Variants in AMBRA1 observed in about 807,000 individuals in gnomAD.
AMBRA1 encodes the protein activating molecule in BECN1-regulated autophagy protein 1.
AMBRA1 carries 47 observed loss-of-function variants against 125.4 expected under a neutral mutation model. The ratio of observed to expected loss-of-function variants is 0.37; its 90% confidence interval spans 0.30 to 0.48. The LOEUF (loss-of-function observed/expected upper bound fraction) is 0.48. AMBRA1 is among the 20% of genes least tolerant of loss of function. The pLI, the probability that AMBRA1 is intolerant of heterozygous loss-of-function variation, is 0.99. For synonymous variants in AMBRA1, 626 were observed against 655.5 expected (o/e 0.95, Z 0.69); for missense variants, 1,331 against 1,693.4 (o/e 0.79, Z 3.76).
intron 7 of AMBRA1, among the ~76,000 whole-genome samples, chr11:46,513,975 G>A (rs1390874356): frequency 6.6e-6 from 1 of 151,452 alleles, no homozygotes; most frequent in Non-Finnish European, 1.5e-5. Context: ...CTGACATGGT[G>A]CTTCCCAACT....
Position 46,508,306 on chromosome 11 carries a change from G to C in AMBRA1, c.2224C>G (p.Arg742Gly). Residue 742 changes from arginine to glycine, a missense_variant, in exon 9 of 18, where the codon CGC becomes GGC. This residue lies in a region of AMBRA1 where 689 missense variants were observed against 776.5 expected (regional missense o/e 0.89). Coordinates refer to ENST00000683756, the MANE Select transcript of AMBRA1 (RefSeq NM_001387011.1). ...TGTTGGTAGCGCATGGAGCGCTGGC[G>C]AATACTGTCTCTCCGTGAGAGATAC... is the stretch of plus-strand genomic sequence containing the variant. ...IQYLSRRDSIRQRSMRYQQNR... is the reference protein window; with the variant it reads ...IQYLSRRDSIGQRSMRYQQNR... 6.2e-7 allele frequency: 1 copy of C among 1,614,188 alleles called. No homozygotes were observed. Among genetic ancestry groups the C allele is most frequent in the Non-Finnish European group, 8.5e-7 (1 of 1,180,012 alleles).
chr11:46,465,575 C>T (rs899603383), intron 11 of AMBRA1, among the ~76,000 whole-genome samples: 3 of 152,084 alleles, frequency 2.0e-5, no homozygotes, highest in Non-Finnish European at 4.4e-5. Context: ...TAAGATATAT[C>T]ACAGAGGAAG....
chr11:46,576,846 T>C (rs1203055386), intron 1 of AMBRA1, among the ~76,000 whole-genome samples: 1 of 152,238 alleles, frequency 6.6e-6, no homozygotes, highest in Non-Finnish European at 1.5e-5. Context: ...AAATTCCTAA[T>C]TCCATCACTG....
chr11:46,434,642 G>T lies in AMBRA1; in HGVS notation c.2821+207C>A, dbSNP rs558830073. 3.9e-5 allele frequency among the ~76,000 whole-genome samples: 6 copies of T among 152,270 alleles called. No individual in the cohort carries two copies. In the South Asian group the frequency reaches 1.2e-3, roughly 32 times the overall value. ...CCTTATTCCTGACCGTCGTAACAGG[G>T]GCATGCGGTAGGACTCTAATGCTCA... On this transcript the variant is annotated intron_variant, in intron 13 of 17. Transcript: ENST00000683756.
intron 1 of AMBRA1, among the ~76,000 whole-genome samples, chr11:46,579,091 G>GT (rs1398657088): frequency 1.4e-4 from 20 of 142,400 alleles, no homozygotes; most frequent in Middle Eastern, 7.2e-3. Context: ...TTAAAAGCCA[G>GT]TAATACCAAA....
At chr11:46,512,908 C>CT in intron 7 of AMBRA1, 95 bp from the exon 8 acceptor site, 1 of 1,108,196 alleles carries the variant, frequency 9.0e-7, no homozygotes, top group Non-Finnish European at 1.3e-6. Context: ...ATAACTTTCC[C>CT]CTTTTGCAGC....
intron 6 of AMBRA1, 28 bp downstream of exon 6, chr11:46,543,947 T>C (rs1952874443): frequency 1.3e-6 from 2 of 1,584,688 alleles, no homozygotes; most frequent in East Asian, 4.5e-5. Flanking sequence ...ACAGTTTAGC[T>C]GGAATTGGAA....
At chr11:46,514,163 C>G (rs1047627945) in intron 7 of AMBRA1, among the ~76,000 whole-genome samples, 1 of 152,220 alleles carries the variant, frequency 6.6e-6, no homozygotes, top group Non-Finnish European at 1.5e-5. Flanking sequence ...ATAAGGACAG[C>G]AGCTACCAAT....
chr11:46,435,321 A>G (rs986388194), intron 12 of AMBRA1, among the ~76,000 whole-genome samples: 1 of 152,228 alleles, frequency 6.6e-6, no homozygotes. Context: ...TTGAGAGATT[A>G]GATAAGGAAA....
At chr11:46,429,088 C>T (rs145221216) in intron 14 of AMBRA1, 2 of 1,609,296 alleles carry the variant, frequency 1.2e-6, no homozygotes, top group East Asian at 4.5e-5. Context: ...TCTTGGCCAC[C>T]ATGACTCCCT....
chr11:46,542,957 G>C lies in AMBRA1; in HGVS notation c.1060C>G (p.Gln354Glu). ...TGGTCCTGCTGCGTTGACGAGGCCTGCTCCGGGGGATGGAAGGGCTCGGTC... is the reference window on the plus strand; with the variant it reads ...TGGTCCTGCTGCGTTGACGAGGCCTCCTCCGGGGGATGGAAGGGCTCGGTC... ...VQTEPFHPPE[Q>E]ASSTQQDQGL... Residue 354 changes from glutamine (Q) to glutamate (E), a missense_variant, in exon 7 of 18, where the codon CAG becomes GAG. Physicochemically the swap from Gln to Glu is conservative, Grantham distance 29. Coordinates refer to ENST00000683756, the MANE Select transcript of AMBRA1 (RefSeq NM_001387011.1). The surrounding 1 kb of genome is among the most constrained non-coding windows in gnomAD (Gnocchi z 5.9). 1 of 1,606,864 alleles carries C rather than the reference G, an allele frequency of 6.2e-7. No individual in the cohort carries two copies. The highest frequency in any genetic ancestry group is 2.2e-5 in the East Asian group (1 of 44,880).
At chr11:46,411,372 C>A (rs2136626556) in intron 15 of AMBRA1, among the ~76,000 whole-genome samples, 5 of 152,228 alleles carry the variant, frequency 3.3e-5, no homozygotes, top group Admixed American at 3.3e-4. Context: ...CAGGCAGGGC[C>A]TGGAAGACGA....
Position 46,397,368 on chromosome 11 carries a change from C to A in AMBRA1, c.*82G>T. 7.1e-7 allele frequency: 1 copy of A among 1,410,554 alleles called. No homozygotes were observed. The allele number at this position is 1,410,554 out of a possible 1,614,324, so 87.4% of individuals were successfully genotyped here. A position where few individuals can be genotyped will look rare whatever the true frequency, so the allele number is the denominator to read the frequency against. Reference sequence around the variant, plus strand: ...TTCCCTGATGCAGCCAGCAGCTCTTCCACATGTCCAGTTCCCAGTCAGCTG... The same window carrying A: ...TTCCCTGATGCAGCCAGCAGCTCTTACACATGTCCAGTTCCCAGTCAGCTG... On this transcript the variant is annotated 3_prime_UTR_variant, in exon 18 of 18. Coordinates refer to ENST00000683756, the MANE Select transcript of AMBRA1 (RefSeq NM_001387011.1).
intron 1 of AMBRA1, among the ~76,000 whole-genome samples, chr11:46,567,647 C>T (rs536758009): frequency 5.7e-4 from 86 of 151,808 alleles, no homozygotes; most frequent in African/African-American, 2.0e-3. Flanking sequence ...AGGCGTGAGC[C>T]ACCGTGCCCA....
chr11:46,547,737 G>A, intron 3 of AMBRA1, 80 bp downstream of exon 3: 1 of 1,390,240 alleles, frequency 7.2e-7, no homozygotes, highest in South Asian at 1.2e-5. Flanking sequence ...TTTAGGGACT[G>A]ACTTGGAAGA....
intron 11 of AMBRA1, among the ~76,000 whole-genome samples, chr11:46,460,260 T>C (rs1949041417): frequency 6.6e-6 from 1 of 151,940 alleles, no homozygotes; most frequent in Non-Finnish European, 1.5e-5. Context: ...GGACTTATAA[T>C]ACTGAATTTT....
intron 1 of AMBRA1, among the ~76,000 whole-genome samples, chr11:46,581,844 G>A (rs1329289898): frequency 1.3e-5 from 2 of 150,790 alleles, no homozygotes; most frequent in African/African-American, 2.4e-5. Flanking sequence ...GCTGGGTGTG[G>A]TAGTTCATGC....
chr11:46,411,331 C>T (rs1410401575), intron 15 of AMBRA1, among the ~76,000 whole-genome samples: 1 of 152,208 alleles, frequency 6.6e-6, no homozygotes, highest in Non-Finnish European at 1.5e-5. Flanking sequence ...GTGCTTCCTT[C>T]CTAAACATGG....
chr11:46,587,213 C>A (rs563471003), intron 1 of AMBRA1, among the ~76,000 whole-genome samples: 2 of 152,058 alleles, frequency 1.3e-5, no homozygotes, highest in Non-Finnish European at 2.9e-5. Flanking sequence ...AACCCCATCT[C>A]TACTCAAAAT....
Sources: allele counts gnomAD v4.1 joint callset (sites outside exome capture counted in the v4.1 genomes callset), GRCh38; gene constraint gnomAD v4.1.1; regional missense constraint gnomAD v4.1.1; non-coding constraint Gnocchi (gnomAD v3.1); transcripts MANE v1.5; gene names NCBI Gene and HGNC (gene_info 2026-07-23, HGNC 2026-07-21).